Variants in SERPINB12 observed in about 807,000 individuals in gnomAD.
SERPINB12 encodes the protein serpin family B member 12.
In SERPINB12, 57 loss-of-function variants were observed where a neutral mutation model predicts 41.1. The observed-to-expected ratio is 1.39, with a 90% CI of 1.12 to 1.73. The LOEUF (loss-of-function observed/expected upper bound fraction) is 1.73, where lower values mean the gene tolerates loss of function less well. Among genes scored for constraint, SERPINB12 ranks in the 40% most tolerant of loss-of-function variants. The pLI is 0.00. For synonymous variants in SERPINB12, 180 were observed against 181.3 expected (o/e 0.99, Z 0.06); for missense variants, 536 against 501.9 (o/e 1.07, Z -0.65).
the SERPINB12 span, among the ~76,000 whole-genome samples, chr18:63,527,153 A>C: frequency 1.3e-5 from 2 of 152,306 alleles, no homozygotes; most frequent in South Asian, 4.1e-4. Context: ...AGTGGTCTTA[A>C]ATTTTAGTAA....
At chr18:63,540,820 AC>A (rs1200131621), upstream of SERPINB12, among the ~76,000 whole-genome samples, 1 of 152,160 alleles carries the variant, frequency 6.6e-6, no homozygotes, top group Admixed American at 6.6e-5. Context: ...TAACATAGTC[AC>A]TCAAATAATT....
chr18:63,548,308 G>A (rs6567375), intron 1 of SERPINB12, among the ~76,000 whole-genome samples: 100,298 of 148,484 alleles, frequency 0.68, 33,455 homozygotes, highest in Middle Eastern at 0.73. Context: ...ATTTCAGATA[G>A]TCAGTATTTA....
chr18:63,565,811 G>A (rs1257302231), intron 7 of SERPINB12, among the ~76,000 whole-genome samples, 199 bp downstream of exon 7: 1 of 152,158 alleles, frequency 6.6e-6, no homozygotes, highest in Admixed American at 6.5e-5. Flanking sequence ...AAAATATTGG[G>A]ATTGGAGTTT....
chr18:63,543,991 G>A (rs1910329342), intron 1 of SERPINB12, among the ~76,000 whole-genome samples: 1 of 152,128 alleles, frequency 6.6e-6, no homozygotes. Flanking sequence ...GTAAATAGAG[G>A]TTATATATCT....
upstream of SERPINB12, among the ~76,000 whole-genome samples, chr18:63,538,555 G>A (rs1430493896): frequency 2.0e-5 from 3 of 152,090 alleles, no homozygotes; most frequent in Non-Finnish European, 4.4e-5. Context: ...ATATTCCATT[G>A]TGTGAATATA....
chr18:63,560,989 C>G, intron 4 of SERPINB12, 96 bp from the exon 5 acceptor site: 1 of 781,256 alleles, frequency 1.3e-6, no homozygotes, highest in Non-Finnish European at 2.2e-6. Context: ...CCAGGCTCAT[C>G]TTTCTTGGGA....
At chr18:63,553,141 G>A (rs1208134844) in intron 1 of SERPINB12, among the ~76,000 whole-genome samples, 1 of 152,188 alleles carries the variant, frequency 6.6e-6, no homozygotes, top group Non-Finnish European at 1.5e-5. Context: ...CTGGAAAGTA[G>A]TTCACAAAGT....
chr18:63,527,524 G>A, the SERPINB12 span, among the ~76,000 whole-genome samples: 1 of 152,122 alleles, frequency 6.6e-6, no homozygotes, highest in Non-Finnish European at 1.5e-5. Context: ...AAGATTGCAT[G>A]GACCTTTTGC....
upstream of SERPINB12, among the ~76,000 whole-genome samples, chr18:63,540,855 TGAA>T (rs1486821287): frequency 6.6e-6 from 1 of 152,128 alleles, no homozygotes; most frequent in African/African-American, 2.4e-5. Flanking sequence ...TTTTAAAATA[TGAA>T]GAAGAAATAT....
At chr18:63,534,142 C>T in the SERPINB12 span, among the ~76,000 whole-genome samples, 1 of 152,128 alleles carries the variant, frequency 6.6e-6, no homozygotes, top group Admixed American at 6.5e-5. Flanking sequence ...ACTCACAGGC[C>T]TTGTTGAAAA....
the SERPINB12 span, among the ~76,000 whole-genome samples, chr18:63,530,085 G>A: frequency 1.3e-5 from 2 of 152,104 alleles, no homozygotes; most frequent in African/African-American, 4.8e-5. Flanking sequence ...ACACAGGCAC[G>A]AGGTACATGA....
chr18:63,536,043 G>T, the SERPINB12 span, among the ~76,000 whole-genome samples: 1 of 151,824 alleles, frequency 6.6e-6, no homozygotes, highest in Admixed American at 6.6e-5. Context: ...TGTATATATA[G>T]AGAGAATTGT....
intron 6 of SERPINB12, 84 bp from the exon 7 acceptor site, chr18:63,565,361 C>A: frequency 7.8e-7 from 1 of 1,288,812 alleles, no homozygotes; most frequent in Non-Finnish European, 1.1e-6. Context: ...TCTTTAGGAA[C>A]CCCTGTCCTC....
At chr18:63,521,274 G>A in the SERPINB12 span, among the ~76,000 whole-genome samples, 7 of 152,092 alleles carry the variant, frequency 4.6e-5, no homozygotes, top group East Asian at 1.9e-4. Context: ...TTCTGACAAC[G>A]TTCACATTTC....
At chr18:63,521,516 T>A in the SERPINB12 span, among the ~76,000 whole-genome samples, 3 of 152,182 alleles carry the variant, frequency 2.0e-5, no homozygotes, top group Non-Finnish European at 4.4e-5. Flanking sequence ...GAGTCCATTG[T>A]CAAGTTCAGT....
intron 1 of SERPINB12, among the ~76,000 whole-genome samples, chr18:63,555,207 C>T (rs190151038): frequency 2.6e-5 from 4 of 152,312 alleles, no homozygotes; most frequent in African/African-American, 9.6e-5. Context: ...ATATGAATGA[C>T]TGACTAAAGT....
At chr18:63,560,430 G>T (rs1910863977) in intron 4 of SERPINB12, among the ~76,000 whole-genome samples, 1 of 152,186 alleles carries the variant, frequency 6.6e-6, no homozygotes, top group African/African-American at 2.4e-5. Context: ...GTGTTTCCTT[G>T]CAATGAAAGT....
chr18:63,524,092 G>A, the SERPINB12 span, among the ~76,000 whole-genome samples: 1 of 151,918 alleles, frequency 6.6e-6, no homozygotes, highest in South Asian at 2.1e-4. Context: ...TTCAGAAAAT[G>A]GTTGAAAAAA....
At chr18:63,551,473 A>G (rs1369994935) in intron 1 of SERPINB12, among the ~76,000 whole-genome samples, 1 of 151,826 alleles carries the variant, frequency 6.6e-6, no homozygotes, top group East Asian at 2.0e-4. Flanking sequence ...TTACAGGTGC[A>G]TGCCACCATG....
Sources: allele counts gnomAD v4.1 joint callset (sites outside exome capture counted in the v4.1 genomes callset), GRCh38; gene constraint gnomAD v4.1.1; transcripts MANE v1.5; gene names NCBI Gene and HGNC (gene_info 2026-07-23, HGNC 2026-07-21).